ZNF93: variants seen among roughly 807,000 people sequenced by gnomAD.
The protein encoded by ZNF93 is zinc finger protein 505.
In ZNF93, 29 loss-of-function variants were observed where a neutral mutation model predicts 45.0. The observed-to-expected ratio is 0.64, with a 90% CI of 0.48 to 0.88. The LOEUF (loss-of-function observed/expected upper bound fraction) is 0.88. Ranked by LOEUF, ZNF93 falls within the 40% of genes least tolerant of loss-of-function variation. The pLI is 0.00. For missense variants in ZNF93, 578 were observed against 724.0 expected (o/e 0.80, Z 2.31); for synonymous variants, 223 against 244.6 (o/e 0.91, Z 0.82).
Position 19,934,705 on chromosome 19 carries a change from A to G in ZNF93, c.1750A>G (p.Lys584Glu). 1 of 1,613,600 alleles carries G rather than the reference A, an allele frequency of 6.2e-7. No homozygotes were observed. Among genetic ancestry groups the G allele is most frequent in the Non-Finnish European group, 8.5e-7 (1 of 1,179,748 alleles). ...FNHSATLSSH[K>E]KIHSGEKPYE... ...CCATTCTGCAACCCTTTCTTCACATAAGAAAATCCATTCTGGAGAGAAACC... is the reference window on the plus strand; with the variant it reads ...CCATTCTGCAACCCTTTCTTCACATGAGAAAATCCATTCTGGAGAGAAACC... Residue 584 changes from lysine to glutamate, a missense_variant, in exon 4 of 4, where the codon AAG becomes GAG. This residue lies in a region of ZNF93 where 119 missense variants were observed against 123.1 expected (regional missense o/e 0.97). Transcript: ENST00000343769.
intron 3 of ZNF93, chr19:19,926,998 T>C (rs1016081274): frequency 5.1e-6 from 2 of 395,222 alleles, no homozygotes; most frequent in Non-Finnish European, 8.9e-6. Context: ...TGAAGGTAAT[T>C]TTCAAAAAGA....
chr19:19,935,188 C>T lies in ZNF93; in HGVS notation c.*370C>T, dbSNP rs992385343. On this transcript the variant is annotated 3_prime_UTR_variant, in exon 4 of 4. Transcript: ENST00000343769. ...GCCCACCATATGCAGACCTGACTGC[C>T]AAAACATGCCCTAGTGTCTGCCGTA... is the stretch of plus-strand genomic sequence containing the variant. 1 of 217,258 alleles carries T rather than the reference C, an allele frequency of 4.6e-6. No homozygotes were observed. The allele number at this position is 217,258 out of a possible 1,614,324, so 13.5% of individuals were successfully genotyped here.
At chr19:19,921,491 T>C (rs904380116) in intron 3 of ZNF93, among the ~76,000 whole-genome samples, 1 of 152,216 alleles carries the variant, frequency 6.6e-6, no homozygotes, top group African/African-American at 2.4e-5. Flanking sequence ...AATTCCTGGA[T>C]ATCCTTGTTA....
intron 3 of ZNF93, among the ~76,000 whole-genome samples, chr19:19,920,164 C>T (rs1317469646): frequency 6.6e-6 from 1 of 152,050 alleles, no homozygotes; most frequent in Admixed American, 6.6e-5. Flanking sequence ...GCATGAAGGG[C>T]TGTTGAATTT....
In ZNF93 at chr19:19,934,520, C is replaced by G; in HGVS notation, c.1565C>G (p.Ser522Ter). ...EECGKAFNQS[S>*]TLIKHKKIHT... is the part of the protein sequence containing the mutation. ...TGTGGCAAAGCTTTTAACCAGTCCT[C>G]AACCCTTATTAAACATAAGAAAATT... Residue 522 changes from serine (S) to a stop codon, truncating the protein, a stop_gained, in exon 4 of 4, where the codon TCA (serine) becomes TGA (stop). Transcript: ENST00000343769. LOFTEE classifies it high-confidence loss of function. The G allele has an allele frequency of 6.2e-7, 1 of 1,613,358 alleles. No individual in the cohort carries two copies. Among genetic ancestry groups the G allele is most frequent in the Non-Finnish European group, 8.5e-7 (1 of 1,180,002 alleles).
At chr19:19,902,636 A>G (rs2063277256) in intron 1 of ZNF93, among the ~76,000 whole-genome samples, 1 of 151,762 alleles carries the variant, frequency 6.6e-6, no homozygotes. Flanking sequence ...CACCGGAGCC[A>G]TGGAAGGAGG....
chr19:19,927,557 G>A (rs956209021), intron 3 of ZNF93, among the ~76,000 whole-genome samples: 34 of 152,250 alleles, frequency 2.2e-4, no homozygotes, highest in African/African-American at 6.5e-4. Context: ...TATCTCATAA[G>A]TGGAATCATA....
chr19:19,919,714 A>T (rs1385901547), intron 3 of ZNF93, among the ~76,000 whole-genome samples: 1 of 152,174 alleles, frequency 6.6e-6, no homozygotes, highest in East Asian at 1.9e-4. Flanking sequence ...TCTTTGAAGC[A>T]ATTGTGAATG....
intron 3 of ZNF93, among the ~76,000 whole-genome samples, chr19:19,919,010 T>G (rs917265809): frequency 2.6e-5 from 4 of 152,228 alleles, no homozygotes; most frequent in African/African-American, 4.8e-5. Context: ...TTTGTTGTTT[T>G]AGACGTGAAG....
intron 1 of ZNF93, among the ~76,000 whole-genome samples, chr19:19,907,131 C>T (rs190704030): frequency 6.6e-6 from 1 of 151,524 alleles, no homozygotes; most frequent in Admixed American, 6.6e-5. Flanking sequence ...TTTTTTCTGA[C>T]CCCAGATTGT....
At chr19:19,933,152 G>A (rs756304870) in intron 3 of ZNF93, 30 bp from the exon 4 acceptor site, 2 of 1,444,428 alleles carry the variant, frequency 1.4e-6, no homozygotes, top group East Asian at 2.3e-5. Flanking sequence ...TCTAGCAATT[G>A]AAGTAATGTG....
chr19:19,908,331 A>G (rs1191330640), intron 1 of ZNF93: 2 of 152,190 alleles, frequency 1.3e-5, no homozygotes, highest in Non-Finnish European at 2.9e-5. Flanking sequence ...AATGGCTAGA[A>G]AATGAGACTG....
intron 1 of ZNF93, among the ~76,000 whole-genome samples, chr19:19,911,241 C>G (rs1458571613): frequency 6.6e-6 from 1 of 152,224 alleles, no homozygotes; most frequent in East Asian, 1.9e-4. Context: ...TCCAGCCTGG[C>G]TTATCATTGG....
Position 19,934,163 on chromosome 19 carries a change from G to T in ZNF93, c.1208G>T (p.Gly403Val), listed in dbSNP as rs1163196365. The change falls in exon 4 of 4, where the codon GGC (glycine) becomes GTC (valine). Residue 403 changes from glycine (G) to valine (V), a missense_variant. Physicochemically the swap from Gly to Val is moderately radical, Grantham distance 109 (BLOSUM62 -3). Around this residue, in one of 3 missense-constraint regions of ZNF93, gnomAD observed 446 missense variants for 547.6 expected, o/e 0.81. Coordinates refer to ENST00000343769, the MANE Select transcript of ZNF93 (RefSeq NM_031218.4). ...AAGCCCTACAAATGTGAAGAATGTG[G>T]CAAAGCCTTTAAGTACTCCTCTACC... The part of the protein sequence containing the change: ...GEKPYKCEEC[G>V]KAFKYSSTLS... 1 of 1,611,786 alleles carries T rather than the reference G, an allele frequency of 6.2e-7. No homozygotes were observed. Among genetic ancestry groups the T allele is most frequent in the Non-Finnish European group, 8.5e-7 (1 of 1,179,894 alleles).
In ZNF93 at chr19:19,900,960, C is replaced by A; in HGVS notation, c.-129C>A. 6.8e-7 allele frequency: 1 copy of A among 1,472,566 alleles called. No individual in the cohort carries two copies. Among genetic ancestry groups the A allele is most frequent in the South Asian group, 1.1e-5 (1 of 87,356 alleles). 91.2% of individuals were successfully genotyped at this position (1,472,566 alleles called of 1,614,324 possible). A position where few individuals can be genotyped will look rare whatever the true frequency, so the allele number is the denominator to read the frequency against. ...GCGGGTCCTTTGTCTCTCGGTGCAG[C>A]CGGAGCTCCAGGTCTCCTCTTCACT... On this transcript the variant is annotated 5_prime_UTR_variant, in exon 1 of 4. Transcript: ENST00000343769.
chr19:19,913,834 T>C (rs370851538), intron 1 of ZNF93, among the ~76,000 whole-genome samples: 1 of 151,926 alleles, frequency 6.6e-6, no homozygotes, highest in South Asian at 2.1e-4. Flanking sequence ...GAAAAAAAAA[T>C]GGCTTTTCTT....
At chr19:19,925,818 T>C (rs2063354343) in intron 3 of ZNF93, among the ~76,000 whole-genome samples, 2 of 152,146 alleles carry the variant, frequency 1.3e-5, no homozygotes, top group South Asian at 4.1e-4. Flanking sequence ...ATTTTCTTTA[T>C]TTAAAAATGT....
At chr19:19,922,083 A>G (rs1167515248) in intron 3 of ZNF93, among the ~76,000 whole-genome samples, 1 of 152,104 alleles carries the variant, frequency 6.6e-6, no homozygotes, top group Non-Finnish European at 1.5e-5. Context: ...GGCTGGTACC[A>G]GTTGTTCCTT....
Position 19,927,360 on chromosome 19 carries a change from A to T in ZNF93, c.227-5822A>T. 1.3e-5 allele frequency: 5 copies of T among 396,148 alleles called. No homozygotes were observed. The East Asian group carries it at 1.8e-4, about 14-fold the overall frequency. 24.5% of individuals were successfully genotyped at this position (396,148 alleles called of 1,614,324 possible). ...GTGACAGAGTGAGACCCTATCTCAA[A>T]AAAAGCTGTTCATTTCAGGCATGTT... On this transcript the variant is annotated intron_variant, in intron 3 of 3. Transcript: ENST00000343769.
Sources: gnomAD v4.1 joint callset for allele counts (sites outside exome capture counted in the v4.1 genomes callset) on GRCh38, gnomAD v4.1.1 for gene constraint, gnomAD v4.1.1 regional missense constraint, MANE v1.5 for transcripts, NCBI Gene and HGNC (gene_info 2026-07-23, HGNC 2026-07-21) for gene names.